ITGA9: variants seen among roughly 807,000 people sequenced by gnomAD.
ITGA9 encodes the protein integrin subunit alpha 9.
ITGA9 carries 56 observed loss-of-function variants against 127.8 expected under a neutral mutation model. The observed-to-expected ratio is 0.44, with a 90% CI of 0.35 to 0.55. The LOEUF (loss-of-function observed/expected upper bound fraction) is 0.55. ITGA9 is among the 20% of genes least tolerant of loss of function. The pLI, the probability that ITGA9 is intolerant of heterozygous loss-of-function variation, is 0.00. For missense variants in ITGA9, 1,196 were observed against 1,347.1 expected (o/e 0.89, Z 1.76); for synonymous variants, 508 against 514.5 (o/e 0.99, Z 0.17).
intron 18 of ITGA9, among the ~76,000 whole-genome samples, chr3:37,702,370 C>T (rs1700956401): frequency 6.6e-6 from 1 of 152,114 alleles, no homozygotes; most frequent in Non-Finnish European, 1.5e-5. Context: ...TGCCTTCATC[C>T]AAGGGGAATG....
intron 25 of ITGA9, among the ~76,000 whole-genome samples, chr3:37,782,529 C>T (rs546433480): frequency 6.6e-6 from 1 of 152,342 alleles, no homozygotes; most frequent in South Asian, 2.1e-4. Context: ...TGTGCCCTTT[C>T]AGCAGAAACC....
rs1368911705 is a variant in ITGA9 at position 37,790,214 on chromosome 3, A to G, written c.2889+5136A>G. The G allele has an allele frequency of 5.3e-6, 3 of 562,444 alleles. No homozygotes were observed. In the African/African-American group the frequency reaches 5.7e-5, roughly 11 times the overall value. The allele number at this position is 562,444 out of a possible 1,614,324, so 34.8% of individuals were successfully genotyped here. On this transcript the variant is annotated intron_variant, in intron 26 of 27. Coordinates refer to ENST00000264741, the MANE Select transcript of ITGA9 (RefSeq NM_002207.3). The stretch of plus-strand genomic sequence containing the variant: ...GTTTCAGCAGCTTTTACCTGCGCGG[A>G]AGACACAAGATCTTTGGAATCAACA...
chr3:37,587,437 C>T (rs6550485), intron 15 of ITGA9, among the ~76,000 whole-genome samples: 2 of 152,132 alleles, frequency 1.3e-5, no homozygotes, highest in South Asian at 2.1e-4. Flanking sequence ...GGTATTTTGA[C>T]GACAATGTTG....
intron 16 of ITGA9, among the ~76,000 whole-genome samples, chr3:37,643,637 G>A (rs547670485): frequency 1.3e-5 from 2 of 152,294 alleles, no homozygotes; most frequent in Non-Finnish European, 2.9e-5. Flanking sequence ...AAAACCTTGT[G>A]CAAAAGTATG....
intron 19 of ITGA9, chr3:37,733,099 A>G (rs1575212712): frequency 2.5e-6 from 1 of 398,748 alleles, no homozygotes; most frequent in South Asian, 2.2e-5. Context: ...ACCTTCCTAA[A>G]ATAATTTTTT....
At chr3:37,764,239 T>C (rs1228069912) in intron 23 of ITGA9, among the ~76,000 whole-genome samples, 2 of 152,072 alleles carry the variant, frequency 1.3e-5, no homozygotes, top group Non-Finnish European at 1.5e-5. Flanking sequence ...TTTCCCATCC[T>C]AGGGTGTCCT....
At chr3:37,709,734 G>A (rs1452375375) in intron 18 of ITGA9, among the ~76,000 whole-genome samples, 1 of 152,190 alleles carries the variant, frequency 6.6e-6, no homozygotes, top group Non-Finnish European at 1.5e-5. Flanking sequence ...TCACCTTCAC[G>A]CTTTGTCTTT....
At chr3:37,604,035 A>T (rs1024265741) in intron 15 of ITGA9, among the ~76,000 whole-genome samples, 1 of 152,258 alleles carries the variant, frequency 6.6e-6, no homozygotes, top group African/African-American at 2.4e-5. Flanking sequence ...TATTTTATCC[A>T]GGAAGCAGAC....
chr3:37,584,624 A>G (rs1391995123), intron 15 of ITGA9, among the ~76,000 whole-genome samples: 3 of 152,038 alleles, frequency 2.0e-5, no homozygotes, highest in African/African-American at 7.2e-5. Context: ...GCATGGTGGC[A>G]TGTATCTGTA....
intron 6 of ITGA9, among the ~76,000 whole-genome samples, chr3:37,504,238 G>A (rs1382846378): frequency 6.6e-6 from 1 of 152,148 alleles, no homozygotes; most frequent in Non-Finnish European, 1.5e-5. Context: ...TGCTTATTAA[G>A]CATTTACCCT....
chr3:37,611,442 G>A (rs545704880), intron 15 of ITGA9, among the ~76,000 whole-genome samples: 35 of 152,164 alleles, frequency 2.3e-4, no homozygotes, highest in Non-Finnish European at 4.1e-4. Flanking sequence ...GGCCATTAGT[G>A]ACCTTGTTAA....
At chr3:37,818,349 G>A (rs186473357) in intron 27 of ITGA9, 238 of 131,422 alleles carry the variant, frequency 1.8e-3, no homozygotes, top group Non-Finnish European at 3.1e-3. Context: ...TGCAACCTCC[G>A]CCTCCCAGGT....
At chr3:37,709,833 G>C (rs1701058660) in intron 18 of ITGA9, among the ~76,000 whole-genome samples, 1 of 152,206 alleles carries the variant, frequency 6.6e-6, no homozygotes, top group African/African-American at 2.4e-5. Flanking sequence ...TGAATCCAGG[G>C]TTTCTAAAGT....
intron 18 of ITGA9, among the ~76,000 whole-genome samples, chr3:37,708,240 G>T (rs572897722): frequency 6.6e-6 from 1 of 152,278 alleles, no homozygotes; most frequent in African/African-American, 2.4e-5. Context: ...TCCCCAGCAG[G>T]CTGGCCCAGG....
chr3:37,460,824 C>G (rs1446262496), intron 1 of ITGA9, among the ~76,000 whole-genome samples: 1 of 152,088 alleles, frequency 6.6e-6, no homozygotes, highest in Admixed American at 6.5e-5. Context: ...CTCCTGACCT[C>G]GTGATCTGCC....
chr3:37,818,755 T>C lies in ITGA9; in HGVS notation c.3010-136T>C, dbSNP rs117939608. On this transcript the variant is annotated intron_variant, in intron 27 of 27. Transcript: ENST00000264741. The stretch of plus-strand genomic sequence containing the variant: ...ATGTTTTTCTTGCCAGTGTTTTCTC[T>C]AATCCGAGGGGTCCTCCAAGCCTCC... The C allele has an allele frequency of 5.4e-4, 382 of 702,294 alleles. 2 individuals carry two copies. The East Asian group carries it at 8.2e-3, about 15-fold the overall frequency. The allele number at this position is 702,294 out of a possible 1,614,324, so 43.5% of individuals were successfully genotyped here.
At chr3:37,675,482 C>T (rs1160802136) in intron 17 of ITGA9, among the ~76,000 whole-genome samples, 6 of 152,148 alleles carry the variant, frequency 3.9e-5, no homozygotes, top group South Asian at 4.1e-4. Context: ...CATCTGGGGG[C>T]GCCTGCACTG....
rs11457089 is a variant in ITGA9, at chr3:37,519,086, C to CTT, written c.1142-158_1142-157dup. 7.2e-3 allele frequency among the ~76,000 whole-genome samples: 1,014 copies of CTT among 141,332 alleles called. 11 individuals are homozygous for CTT. The highest frequency in any genetic ancestry group is 0.026 in the East Asian group (128 of 4,832). 92.7% of individuals were successfully genotyped at this position (141,332 alleles called of 152,430 possible). ...AGGCGTGAGCCACCACACTGGCCTA[C>CTT]TTTTTTTTTTTTTTTTTCCCGCTGA... is the stretch of plus-strand genomic sequence containing the variant. On this transcript the variant is annotated intron_variant, in intron 10 of 27. Coordinates refer to ENST00000264741, the MANE Select transcript of ITGA9 (RefSeq NM_002207.3).
At chr3:37,699,543 C>T (rs766424087) in intron 18 of ITGA9, among the ~76,000 whole-genome samples, 4 of 152,216 alleles carry the variant, frequency 2.6e-5, no homozygotes, top group Admixed American at 2.6e-4. Flanking sequence ...CGTCTTTTGC[C>T]TCATTATTGA....
Sources: gnomAD v4.1 joint callset for allele counts (sites outside exome capture counted in the v4.1 genomes callset) on GRCh38, gnomAD v4.1.1 for gene constraint, MANE v1.5 for transcripts, NCBI Gene and HGNC (gene_info 2026-07-23, HGNC 2026-07-21) for gene names.